ATP6V0D1: variants seen among roughly 807,000 people sequenced by gnomAD.
ATP6V0D1 encodes the protein V-type proton ATPase subunit d 1.
In ATP6V0D1, 13 loss-of-function variants were observed where a neutral mutation model predicts 39.0. The ratio of observed to expected loss-of-function variants is 0.33; its 90% confidence interval spans 0.22 to 0.53. The LOEUF (loss-of-function observed/expected upper bound fraction) is 0.53. ATP6V0D1 is among the 20% of genes least tolerant of loss of function. The pLI is 0.94. For synonymous variants in ATP6V0D1, 191 were observed against 191.2 expected (o/e 1.00, Z 0.01); for missense variants, 272 against 470.9 (o/e 0.58, Z 3.91).
intron 1 of ATP6V0D1, among the ~76,000 whole-genome samples, chr16:67,470,616 C>A (rs1003131391): frequency 1.1e-4 from 16 of 152,196 alleles, no homozygotes; most frequent in African/African-American, 3.4e-4. Context: ...GCGGGCCTAA[C>A]TGCCACCAGC....
chr16:67,443,056 C>A, intron 4 of ATP6V0D1, 43 bp downstream of exon 4: 1 of 1,602,992 alleles, frequency 6.2e-7, no homozygotes, highest in African/African-American at 1.3e-5. Context: ...CACAGCCCCA[C>A]CCACCGACAG....
rs1187622298 is a variant in ATP6V0D1 at position 67,443,198 on chromosome 16, T to G, written c.482-20A>C. Reference sequence around the variant, plus strand: ...AAGCCGCTGGGGAGGAAACATGGTTTGAGGGGTGGGCAGGTGGCCTAGGCC... The same window carrying G: ...AAGCCGCTGGGGAGGAAACATGGTTGGAGGGGTGGGCAGGTGGCCTAGGCC... On this transcript the variant is annotated intron_variant, in intron 3 of 7. Coordinates refer to ENST00000290949, the MANE Select transcript of ATP6V0D1 (RefSeq NM_004691.5). The G allele has an allele frequency of 1.9e-6, 3 of 1,613,286 alleles. No homozygotes were observed. The highest frequency in any genetic ancestry group is 2.5e-6 in the Non-Finnish European group (3 of 1,179,542).
chr16:67,472,362 A>C (rs2041380427), intron 1 of ATP6V0D1, among the ~76,000 whole-genome samples: 2 of 151,916 alleles, frequency 1.3e-5, no homozygotes, highest in African/African-American at 2.4e-5. Context: ...CCTTCTGCAC[A>C]CCCTTCTCCC....
intron 2 of ATP6V0D1, chr16:67,452,175 T>G: frequency 6.6e-7 from 1 of 1,515,764 alleles, no homozygotes; most frequent in South Asian, 1.2e-5. Flanking sequence ...TGACCCCTAA[T>G]GTAGCACCAC....
chr16:67,458,955 T>C, intron 1 of ATP6V0D1: 1 of 749,928 alleles, frequency 1.3e-6, no homozygotes, highest in South Asian at 6.0e-5. Context: ...CCAAGACCAC[T>C]CTCCATACCA....
chr16:67,457,076 A>G (rs1052378430), intron 1 of ATP6V0D1: 4 of 153,374 alleles, frequency 2.6e-5, no homozygotes, highest in Non-Finnish European at 5.8e-5. Context: ...CTAGGCCTCC[A>G]TGACTCTCTA....
chr16:67,468,333 A>G (rs2041346362), intron 1 of ATP6V0D1, among the ~76,000 whole-genome samples: 1 of 152,026 alleles, frequency 6.6e-6, no homozygotes, highest in African/African-American at 2.4e-5. Context: ...CATGCATGTA[A>G]TCCCAGTACT....
chr16:67,439,445 G>T, intron 4 of ATP6V0D1, 94 bp from the exon 5 acceptor site: 3 of 1,239,900 alleles, frequency 2.4e-6, no homozygotes, highest in Non-Finnish European at 2.3e-6. Context: ...CCCCTCCCTA[G>T]CCCCTTTCAA....
At chr16:67,459,339 G>A (rs994697798) in intron 1 of ATP6V0D1, 2 of 872,994 alleles carry the variant, frequency 2.3e-6, no homozygotes, top group African/African-American at 3.6e-5. Flanking sequence ...TCCACCCTGA[G>A]GTTGCCTGTG....
At chr16:67,465,973 G>A (rs1311930294) in intron 1 of ATP6V0D1, among the ~76,000 whole-genome samples, 1 of 152,132 alleles carries the variant, frequency 6.6e-6, no homozygotes, top group Non-Finnish European at 1.5e-5. Context: ...GAAGTGGAGT[G>A]ATCCTGGCGC....
intron 1 of ATP6V0D1, among the ~76,000 whole-genome samples, chr16:67,468,484 G>GATTGCTTGAGCCTGGGA (rs1472996378): frequency 6.6e-6 from 1 of 151,674 alleles, no homozygotes; most frequent in Non-Finnish European, 1.5e-5. Context: ...CATACTTGGG[G>GATTGCTTGAGCCTGGGA]GGCTGAGTTG....
chr16:67,444,684 C>T lies in ATP6V0D1; in HGVS notation c.325G>A (p.Val109Met). The stretch of plus-strand genomic sequence containing the variant: ...AGCGTGCCTGTGATGAGCAGGATCA[C>T]GTTGTCGATCATGTAACTGTAACTA... ...FITYSYMIDN[V>M]ILLITGTLHQ... Residue 109 changes from valine to methionine, a missense_variant, in exon 3 of 8, where the codon GTG (valine) becomes ATG (methionine). By Grantham distance (21) the Val-to-Met change is conservative. Around this residue, in one of 4 missense-constraint regions of ATP6V0D1, gnomAD observed 135 missense variants for 273.8 expected, o/e 0.49. Coordinates refer to ENST00000290949, the MANE Select transcript of ATP6V0D1 (RefSeq NM_004691.5). This position sits in a 1 kb window ranked among gnomAD's most constrained non-coding sequence, Gnocchi z 4.8. The T allele has an allele frequency of 7.5e-6, 12 of 1,602,022 alleles. No homozygotes were observed. Among genetic ancestry groups the T allele is most frequent in the Non-Finnish European group, 1.0e-5 (12 of 1,171,364 alleles).
At chr16:67,463,457 G>A (rs2041305070) in intron 1 of ATP6V0D1, among the ~76,000 whole-genome samples, 1 of 152,072 alleles carries the variant, frequency 6.6e-6, no homozygotes, top group South Asian at 2.1e-4. Context: ...CTTGAGCCCA[G>A]GAGGTCAAGA....
At chr16:67,464,662 A>T (rs2142325648) in intron 1 of ATP6V0D1, among the ~76,000 whole-genome samples, 1 of 152,350 alleles carries the variant, frequency 6.6e-6, no homozygotes, top group South Asian at 2.1e-4. Context: ...CAGCACAGGG[A>T]CAAGGGCAGG....
At chr16:67,446,021 G>A (rs1263148122) in intron 2 of ATP6V0D1, 1 of 451,544 alleles carries the variant, frequency 2.2e-6, no homozygotes, top group East Asian at 7.0e-5. Context: ...ACTGAACACG[G>A]GTCTTGTCCT....
At chr16:67,442,779 C>T (rs1047240474) in intron 4 of ATP6V0D1, among the ~76,000 whole-genome samples, 6 of 152,152 alleles carry the variant, frequency 3.9e-5, no homozygotes, top group Non-Finnish European at 7.4e-5. Flanking sequence ...CCAGGGGCCA[C>T]GGCCTGGGTG....
At chr16:67,464,101 A>C (rs1397969740) in intron 1 of ATP6V0D1, among the ~76,000 whole-genome samples, 1 of 152,198 alleles carries the variant, frequency 6.6e-6, no homozygotes, top group East Asian at 1.9e-4. Context: ...TGGCAGCCTC[A>C]GGGCCTTGTG....
chr16:67,453,698 G>T lies in ATP6V0D1; in HGVS notation c.148C>A (p.Gln50Lys). Residue 50 changes from glutamine (Q) to lysine (K), a missense_variant, in exon 2 of 8, where the codon CAG becomes AAG. Around this residue, in one of 4 missense-constraint regions of ATP6V0D1, gnomAD observed 81 missense variants for 96.0 expected, o/e 0.84. Transcript: ENST00000290949. This position sits in a 1 kb window ranked among gnomAD's most constrained non-coding sequence, Gnocchi z 4.1. ...ETLEDLKLHLQSTDYGNFLAN... is the reference protein window; with the variant it reads ...ETLEDLKLHLKSTDYGNFLAN... The stretch of plus-strand genomic sequence containing the variant: ...AGGAAGTTACCATAATCAGTGCTCT[G>T]CAGATGCAGTTTCAAGTCTGAAACC... The T allele has an allele frequency of 6.2e-7, 1 of 1,614,004 alleles. No individual in the cohort carries two copies. Among genetic ancestry groups the T allele is most frequent in the Non-Finnish European group, 8.5e-7 (1 of 1,179,978 alleles).
intron 1 of ATP6V0D1, among the ~76,000 whole-genome samples, chr16:67,480,515 A>G (rs1047120879): frequency 1.3e-5 from 2 of 152,110 alleles, no homozygotes; most frequent in Non-Finnish European, 2.9e-5. Flanking sequence ...ACGCGAAGAC[A>G]CGATGATCCC....
Sources: gnomAD v4.1 joint callset for allele counts (sites outside exome capture counted in the v4.1 genomes callset) on GRCh38, gnomAD v4.1.1 for gene constraint, gnomAD v4.1.1 regional missense constraint, Gnocchi (gnomAD v3.1) non-coding constraint, MANE v1.5 for transcripts, NCBI Gene and HGNC (gene_info 2026-07-23, HGNC 2026-07-21) for gene names.